RBFOX1: variants seen among roughly 807,000 people sequenced by gnomAD.
RBFOX1 encodes RNA binding protein fox-1 homolog 1.
Under a neutral mutation model 57.7 loss-of-function variants are expected in RBFOX1, and 8 were observed. That is an observed-to-expected ratio of 0.14 (90% CI 0.08 to 0.25). RBFOX1 has a LOEUF of 0.25. RBFOX1 is among the 10% of genes least tolerant of loss of function. The probability of loss-of-function intolerance (pLI) is 1.00; values close to 1 mark genes in which losing one functional copy is unlikely to be tolerated. For missense variants in RBFOX1, 611 were observed against 548.5 expected (o/e 1.11, Z -1.14); for synonymous variants, 326 against 222.4 (o/e 1.47, Z -4.15).
At chr16:6,986,801 C>T (rs777358028) in intron 3 of RBFOX1, among the ~76,000 whole-genome samples, 24 of 152,084 alleles carry the variant, frequency 1.6e-4, no homozygotes, top group East Asian at 3.9e-4. Flanking sequence ...AATAACTGAA[C>T]ACGCTGTAGG....
Position 5,563,040 on chromosome 16 carries a change from C to T in RBFOX1, c.259-35862C>T, listed in dbSNP as rs929192050. ...TCTTGGCTCACTGCAACCTCTGCCT[C>T]CCAGGTTCAAGTGATTGTTCTGCTT... On this transcript the variant is annotated intron_variant, in intron 2 of 2. Transcript: ENST00000585867. 2.0e-5 allele frequency among the ~76,000 whole-genome samples: 3 copies of T among 152,268 alleles called. No homozygotes were observed. In the East Asian group the frequency reaches 5.8e-4, roughly 30 times the overall value.
intron 1 of RBFOX1, among the ~76,000 whole-genome samples, chr16:6,254,260 A>T (rs1045931095): frequency 6.6e-6 from 1 of 152,198 alleles, no homozygotes; most frequent in African/African-American, 2.4e-5. Context: ...AACTAAACAG[A>T]TGTATTCAGG....
intron 4 of RBFOX1, among the ~76,000 whole-genome samples, chr16:7,358,459 C>T (rs560607326): frequency 3.3e-5 from 5 of 151,592 alleles, no homozygotes; most frequent in African/African-American, 4.8e-5. Flanking sequence ...TTTGTTCTGT[C>T]GCCCAGGCTG....
intron 2 of RBFOX1, among the ~76,000 whole-genome samples, chr16:6,579,944 C>CT (rs200301160): frequency 7.1e-4 from 108 of 151,808 alleles, no homozygotes; most frequent in East Asian, 2.3e-3. Context: ...ACCTGTTCAT[C>CT]TTTTTTTTGT....
chr16:5,779,222 C>A (rs969477736), intron 3 of RBFOX1, among the ~76,000 whole-genome samples: 9 of 152,154 alleles, frequency 5.9e-5, no homozygotes, highest in Admixed American at 5.9e-4. Flanking sequence ...AGACCAGACC[C>A]CTCTGGATCT....
intron 3 of RBFOX1, among the ~76,000 whole-genome samples, chr16:5,657,782 G>A (rs891237581): frequency 1.5e-5 from 2 of 135,068 alleles, no homozygotes; most frequent in African/African-American, 5.4e-5. Context: ...ACCCAGGTTG[G>A]AGTACAGTAG....
chr16:5,925,685 T>G (rs1172886805), intron 4 of RBFOX1, among the ~76,000 whole-genome samples: 3 of 152,174 alleles, frequency 2.0e-5, no homozygotes, highest in Non-Finnish European at 4.4e-5. Context: ...ATTATATATA[T>G]ATTATGTTAT....
intron 4 of RBFOX1, among the ~76,000 whole-genome samples, chr16:7,239,746 A>G (rs1261277703): frequency 1.3e-5 from 2 of 152,154 alleles, no homozygotes; most frequent in Admixed American, 6.5e-5. Context: ...TGTTGTATTC[A>G]TGTTTCTTTG....
chr16:6,952,456 G>C (rs908034765), intron 3 of RBFOX1, among the ~76,000 whole-genome samples: 1 of 152,022 alleles, frequency 6.6e-6, no homozygotes, highest in Non-Finnish European at 1.5e-5. Context: ...AGACCAGCCT[G>C]GGCCACGTAT....
rs188198921 is a variant in RBFOX1, at chr16:7,260,066, C to T, written c.27+207968C>T. 3.3e-5 allele frequency among the ~76,000 whole-genome samples: 5 copies of T among 152,242 alleles called. No homozygotes were observed. In the East Asian group the frequency reaches 9.6e-4, roughly 29 times the overall value. ...CATAAGAACAGAGACTGTCTATTCA[C>T]TGTTTTGTTTCTGTAAATATATAAC... On this transcript the variant is annotated intron_variant, in intron 4 of 15. Transcript: ENST00000550418.
chr16:6,531,404 T>C (rs776101690), intron 2 of RBFOX1, among the ~76,000 whole-genome samples: 6 of 152,242 alleles, frequency 3.9e-5, no homozygotes, highest in Non-Finnish European at 7.3e-5. Context: ...ATCAGTTTTC[T>C]TAAGACATCT....
At chr16:6,368,142 T>C (rs543736735) in intron 2 of RBFOX1, among the ~76,000 whole-genome samples, 1 of 152,362 alleles carries the variant, frequency 6.6e-6, no homozygotes, top group East Asian at 1.9e-4. Context: ...ATTCATTGGC[T>C]GTTTTTCTCT....
At chr16:5,989,609 A>C (rs1016052978) in intron 4 of RBFOX1, among the ~76,000 whole-genome samples, 8 of 152,078 alleles carry the variant, frequency 5.3e-5, no homozygotes, top group Admixed American at 2.0e-4. Context: ...GGGTGGGGGC[A>C]GAAGACCTCT....
intron 2 of RBFOX1, among the ~76,000 whole-genome samples, chr16:6,472,211 A>T (rs2095192666): frequency 1.3e-5 from 2 of 152,320 alleles, no homozygotes; most frequent in African/African-American, 4.8e-5. Flanking sequence ...TGTCTGACCC[A>T]GGTCCCTGGA....
At chr16:5,274,450 A>T (rs189085432) in intron 1 of RBFOX1, among the ~76,000 whole-genome samples, 31 of 152,172 alleles carry the variant, frequency 2.0e-4, no homozygotes, top group African/African-American at 6.5e-4. Flanking sequence ...ATTCGCTTGA[A>T]CCCAGGGGGC....
chr16:5,542,380 C>G lies in RBFOX1; in HGVS notation c.259-56522C>G, dbSNP rs1205637215. ...TCTCCTACCTCAGCCTCCCGAGTAG[C>G]TGGGATTACAGGCATGCGCCACCAT... On this transcript the variant is annotated intron_variant, in intron 2 of 2. Coordinates refer to the RBFOX1 transcript ENST00000585867. Among the ~76,000 whole-genome samples the G allele has an allele frequency of 2.0e-5, 3 of 151,288 alleles. No individual in the cohort carries two copies. The East Asian group carries it at 5.9e-4, about 30-fold the overall frequency.
intron 2 of RBFOX1, among the ~76,000 whole-genome samples, chr16:6,645,568 C>T (rs528428449): frequency 6.6e-6 from 1 of 152,170 alleles, no homozygotes; most frequent in Admixed American, 6.5e-5. Flanking sequence ...GAAAAGAAGT[C>T]TCTCTCGGGA....
chr16:5,931,765 C>A (rs908380545), intron 4 of RBFOX1, among the ~76,000 whole-genome samples: 3 of 152,080 alleles, frequency 2.0e-5, no homozygotes, highest in African/African-American at 7.2e-5. Flanking sequence ...CATGCATATA[C>A]CCTGAATATT....
At chr16:6,672,728 G>T (rs1036671941) in intron 3 of RBFOX1, among the ~76,000 whole-genome samples, 1 of 152,138 alleles carries the variant, frequency 6.6e-6, no homozygotes, top group Non-Finnish European at 1.5e-5. Flanking sequence ...CTTGCCTTGT[G>T]AAGCAGTGAG....
Sources: allele counts gnomAD v4.1 joint callset (sites outside exome capture counted in the v4.1 genomes callset), GRCh38; gene constraint gnomAD v4.1.1; transcripts MANE v1.5; gene names NCBI Gene and HGNC (gene_info 2026-07-23, HGNC 2026-07-21).